The following CORO2B variants were observed in gnomAD, a reference collection of about 807,000 sequenced individuals.
CORO2B encodes the protein coronin-2B.
In CORO2B, 26 loss-of-function variants were observed where a neutral mutation model predicts 58.8. The observed-to-expected ratio is 0.44, with a 90% CI of 0.32 to 0.61. The LOEUF is 0.61. Ranked by LOEUF, CORO2B falls within the 20% of genes least tolerant of loss-of-function variation. The pLI, the probability that CORO2B is intolerant of heterozygous loss-of-function variation, is 0.04. For synonymous variants in CORO2B, 242 were observed against 253.8 expected (o/e 0.95, Z 0.44); for missense variants, 460 against 645.1 (o/e 0.71, Z 3.11).
intron 3 of CORO2B, among the ~76,000 whole-genome samples, chr15:68,699,990 G>A (rs992219980): frequency 2.6e-5 from 4 of 152,278 alleles, no homozygotes; most frequent in African/African-American, 9.6e-5. Flanking sequence ...GGCATCCCCC[G>A]CTGCAGCCTG....
intron 1 of CORO2B, among the ~76,000 whole-genome samples, chr15:68,638,809 C>T (rs568774065): frequency 8.6e-4 from 131 of 152,278 alleles, no homozygotes; most frequent in Non-Finnish European, 1.6e-3. Context: ...TAGTTCTGCC[C>T]GCTGGACAGC....
chr15:68,701,271 C>CT (rs1892636233), intron 3 of CORO2B, among the ~76,000 whole-genome samples: 1 of 151,966 alleles, frequency 6.6e-6, no homozygotes, highest in South Asian at 2.1e-4. Context: ...GGCTCTGCCA[C>CT]TTCCAGGCTC....
At chr15:68,588,130 A>T (rs910000773) in intron 1 of CORO2B, among the ~76,000 whole-genome samples, 1 of 152,232 alleles carries the variant, frequency 6.6e-6, no homozygotes, top group African/African-American at 2.4e-5. Context: ...TGTGATGTCT[A>T]ATCTGTGCCC....
At chr15:68,634,904 A>G (rs779290917) in intron 1 of CORO2B, among the ~76,000 whole-genome samples, 1 of 152,166 alleles carries the variant, frequency 6.6e-6, no homozygotes, top group Non-Finnish European at 1.5e-5. Flanking sequence ...TGCCAGTGCT[A>G]TTGGTCCACA....
At chr15:68,603,768 T>G (rs892173656) in intron 1 of CORO2B, among the ~76,000 whole-genome samples, 11 of 152,132 alleles carry the variant, frequency 7.2e-5, no homozygotes, top group Non-Finnish European at 1.5e-4. Context: ...CTGCTGGACC[T>G]TGATGTTGGA....
At position 68,725,883 on chromosome 15, in the gene CORO2B, G is replaced by A. The variant is rs774406523; in HGVS notation, c.1352G>A (p.Arg451Gln). The A allele has an allele frequency of 1.8e-5, 29 of 1,613,828 alleles. No homozygotes were observed. The highest frequency in any genetic ancestry group is 2.2e-5 in the East Asian group (1 of 44,874). ...TTCCGGCAGCAGGATGAGATTCGACGGTTGAAAGAGGAGCTGGCCCAGAAG... is the reference window on the plus strand; with the variant it reads ...TTCCGGCAGCAGGATGAGATTCGACAGTTGAAAGAGGAGCTGGCCCAGAAG... ...MFFRQQDEIR[R>Q]LKEELAQKDI... Residue 451 changes from arginine (R) to glutamine (Q), a missense_variant, in exon 12 of 12, where the codon CGG (arginine) becomes CAG (glutamine). Transcript: ENST00000261861.
intron 3 of CORO2B, among the ~76,000 whole-genome samples, chr15:68,699,715 C>A (rs1201891382): frequency 6.6e-5 from 10 of 152,176 alleles, no homozygotes; most frequent in Admixed American, 6.5e-4. Context: ...GGATCCCAAC[C>A]TCTCCTGGAG....
Position 68,710,897 on chromosome 15 carries a change from G to T in CORO2B, c.483+16G>T. ...CGACTACAAGGTATGCAGTGGGCAG[G>T]CAGCTGGGTGGAGAGGGATTGGGGA... On this transcript the variant is annotated intron_variant, in intron 4 of 11. Transcript: ENST00000261861. The surrounding 1 kb of genome is among the most constrained non-coding windows in gnomAD (Gnocchi z 4.1). The T allele has an allele frequency of 6.3e-7, 1 of 1,582,706 alleles. No homozygotes were observed. The highest frequency in any genetic ancestry group is 8.6e-7 in the Non-Finnish European group (1 of 1,161,128).
At chr15:68,573,783 G>A in the CORO2B span, among the ~76,000 whole-genome samples, 3 of 152,316 alleles carry the variant, frequency 2.0e-5, no homozygotes, top group African/African-American at 7.2e-5. Context: ...TTCTCCAGGA[G>A]CTTGTCAAAT....
intron 1 of CORO2B, chr15:68,632,058 C>A (rs1900851425): frequency 7.1e-6 from 7 of 985,346 alleles, no homozygotes; most frequent in Non-Finnish European, 8.4e-6. Flanking sequence ...GCCTCCCAGG[C>A]TCCCAGGCCT....
At chr15:68,528,689 G>GTTT in the CORO2B span, among the ~76,000 whole-genome samples, 1 of 118,014 alleles carries the variant, frequency 8.5e-6, no homozygotes. Context: ...TTTTCTGAGT[G>GTTT]TTTTTTTTTT....
intron 1 of CORO2B, among the ~76,000 whole-genome samples, chr15:68,579,743 C>T (rs1012451911): frequency 1.3e-5 from 2 of 152,196 alleles, no homozygotes; most frequent in Non-Finnish European, 2.9e-5. Flanking sequence ...CCGCCCATGC[C>T]GGGAGCGCTG....
Position 68,699,909 on chromosome 15 carries a change from G to A in CORO2B, c.333+4653G>A, listed in dbSNP as rs116108198. ...TGGGCTGACAGTTCAGATTCATCAC[G>A]CTCAACATTTACATCACAGCGTCTG... On this transcript the variant is annotated intron_variant, in intron 3 of 11. Coordinates refer to ENST00000261861, the MANE Select transcript of CORO2B (RefSeq NM_006091.5). Among the ~76,000 whole-genome samples the A allele has an allele frequency of 7.8e-3, 1,195 of 152,282 alleles. 14 individuals are homozygous for A. Among genetic ancestry groups the A allele is most frequent in the African/African-American group, 0.027 (1,135 of 41,560 alleles).
At position 68,710,735 on chromosome 15, in the gene CORO2B, C is replaced by A; in HGVS notation, c.337C>A (p.Arg113=). 2.9e-5 allele frequency: 46 copies of A among 1,600,962 alleles called. No homozygotes were observed. The highest frequency in any genetic ancestry group is 3.9e-5 in the Non-Finnish European group (46 of 1,173,038). ...IASCSEDTSV[R]IWEIPEGGLK... is the part of the protein sequence containing the mutation. ...GGACCCTCATCTCCCTCTGCAGGTG[C>A]GGATCTGGGAGATCCCCGAGGGCGG... The change falls in exon 4 of 12, where the codon CGG becomes AGG. Residue 113 remains arginine, a synonymous_variant. Transcript: ENST00000261861. This position sits in a 1 kb window ranked among gnomAD's most constrained non-coding sequence, Gnocchi z 4.1.
At chr15:68,543,012 G>A in the CORO2B span, among the ~76,000 whole-genome samples, 1 of 152,210 alleles carries the variant, frequency 6.6e-6, no homozygotes, top group Non-Finnish European at 1.5e-5. Context: ...GGATGCCTTG[G>A]TTTACTGCAG....
upstream of CORO2B, chr15:68,578,920 T>C (rs1899340649): frequency 3.3e-6 from 2 of 611,316 alleles, no homozygotes; most frequent in Non-Finnish European, 2.0e-6. The surrounding 1 kb of genome is among the most constrained non-coding windows in gnomAD (Gnocchi z 4.2). Context: ...CTCCGCCTCC[T>C]CCTTTGTAGC....
At chr15:68,693,803 C>T (rs987456609) in intron 2 of CORO2B, among the ~76,000 whole-genome samples, 2 of 149,388 alleles carry the variant, frequency 1.3e-5, no homozygotes, top group Non-Finnish European at 3.0e-5. Flanking sequence ...CAGAAACAAA[C>T]TGCAAATCAG....
At chr15:68,556,724 G>T in the CORO2B span, among the ~76,000 whole-genome samples, 1 of 152,176 alleles carries the variant, frequency 6.6e-6, no homozygotes, top group Non-Finnish European at 1.5e-5. Flanking sequence ...GTTGTTCGGG[G>T]TCTTCTCCCC....
At chr15:68,636,733 C>A (rs1347688796) in intron 1 of CORO2B, among the ~76,000 whole-genome samples, 1 of 152,236 alleles carries the variant, frequency 6.6e-6, no homozygotes, top group South Asian at 2.1e-4. Flanking sequence ...CACCCAGGAA[C>A]TTCCAGGTGT....
Sources: gnomAD v4.1 joint callset for allele counts (sites outside exome capture counted in the v4.1 genomes callset) on GRCh38, gnomAD v4.1.1 for gene constraint, Gnocchi (gnomAD v3.1) non-coding constraint, MANE v1.5 for transcripts, NCBI Gene and HGNC (gene_info 2026-07-23, HGNC 2026-07-21) for gene names.